Variants in NLGN4X observed in about 807,000 individuals in gnomAD.
NLGN4X encodes the protein neuroligin-4, X-linked.
A neutral mutation model predicts 40.3 loss-of-function variants in NLGN4X; 3 were observed. The ratio of observed to expected loss-of-function variants is 0.07; its 90% CI spans 0.03 to 0.19. NLGN4X has a LOEUF of 0.19. Among genes scored for constraint, NLGN4X ranks in the 10% least tolerant of loss-of-function variants. The pLI is 1.00. For missense variants in NLGN4X, 382 were observed against 708.3 expected, an observed-to-expected ratio of 0.54 and a Z score of 5.23; for synonymous variants, 270 against 306.8, an observed-to-expected ratio of 0.88 and a Z score of 1.25.
rs148629757 is a variant in NLGN4X at position 6,129,956 on chromosome X, G to A, written c.472+21039C>T. On this transcript the variant is annotated intron_variant, in intron 2 of 5. Coordinates refer to ENST00000381095, the MANE Select transcript of NLGN4X (RefSeq NM_181332.3). ...GCTGGAGTGCAGTGATGTGATTACA[G>A]CTCACTGAAGCCTGGCCCTCCTGGG... 9.4e-3 allele frequency among the ~76,000 whole-genome samples: 1,004 copies of A among 107,046 alleles called. 6 individuals carry two copies. Among genetic ancestry groups the A allele is most frequent in the Non-Finnish European group, 0.015 (803 of 51,972 alleles). 93.0% of individuals were successfully genotyped at this position (107,046 alleles called of 115,157 possible).
At chrX:6,201,271 G>C (rs1441571182) in intron 1 of NLGN4X, among the ~76,000 whole-genome samples, 1 of 112,046 alleles carries the variant, frequency 8.9e-6, no homozygotes, top group East Asian at 2.8e-4. Flanking sequence ...GGTTGAAAGA[G>C]AGCCTGAGAA....
chrX:6,093,807 T>C (rs1033495627), intron 2 of NLGN4X, among the ~76,000 whole-genome samples: 2 of 111,731 alleles, frequency 1.8e-5, no homozygotes, highest in African/African-American at 6.5e-5. Context: ...TTTTAAGAGA[T>C]AGCAAGAATA....
chrX:6,219,717 G>A (rs1401277811), intron 1 of NLGN4X, among the ~76,000 whole-genome samples: 1 of 109,035 alleles, frequency 9.2e-6, no homozygotes, highest in Non-Finnish European at 1.9e-5. Context: ...TGAGTGACAA[G>A]GTCTCAGGGA....
At chrX:6,088,277 G>A (rs913082974) in intron 2 of NLGN4X, among the ~76,000 whole-genome samples, 1 of 112,342 alleles carries the variant, frequency 8.9e-6, no homozygotes, top group Admixed American at 9.4e-5. Context: ...GCTCTTCATT[G>A]TCTTTCTTAA....
chrX:6,026,963 AG>A (rs1197012794), intron 3 of NLGN4X, among the ~76,000 whole-genome samples: 1 of 111,582 alleles, frequency 9.0e-6, no homozygotes, highest in African/African-American at 3.3e-5. Flanking sequence ...ACTGAGCTTT[AG>A]GGGGAAAAGG....
intron 2 of NLGN4X, among the ~76,000 whole-genome samples, chrX:6,063,295 C>T (rs902124753): frequency 9.0e-6 from 1 of 111,535 alleles, no homozygotes; most frequent in African/African-American, 3.3e-5. Flanking sequence ...GGCAACATAG[C>T]AAGACCCAAT....
At chrX:6,214,718 G>C (rs80276798) in intron 1 of NLGN4X, among the ~76,000 whole-genome samples, 1 of 111,208 alleles carries the variant, frequency 9.0e-6, no homozygotes, top group East Asian at 2.9e-4. Flanking sequence ...AACATAGTGA[G>C]ACCCCGTCTC....
chrX:5,933,629 A>C (rs114614798), intron 3 of NLGN4X, among the ~76,000 whole-genome samples: 5,118 of 111,743 alleles, frequency 0.046, 302 homozygotes, highest in African/African-American at 0.16. Flanking sequence ...GTTTTAAATA[A>C]CTATGTATTT....
At chrX:6,219,469 C>T (rs1275890833) in intron 1 of NLGN4X, among the ~76,000 whole-genome samples, 3 of 103,181 alleles carry the variant, frequency 2.9e-5, no homozygotes, top group African/African-American at 1.1e-4. Context: ...TTCCCTCCTT[C>T]CCTCCTTCTC....
intron 2 of NLGN4X, among the ~76,000 whole-genome samples, chrX:6,056,744 C>T (rs1427847587): frequency 1.8e-5 from 2 of 112,040 alleles, no homozygotes; most frequent in African/African-American, 6.5e-5. Flanking sequence ...AAAAATACAG[C>T]AAATTGGGAC....
chrX:6,159,297 A>G (rs181234243), intron 1 of NLGN4X, among the ~76,000 whole-genome samples: 1 of 111,787 alleles, frequency 8.9e-6, no homozygotes, highest in African/African-American at 3.2e-5. Context: ...AAACAGTGGG[A>G]ATGTTCTCTT....
chrX:6,201,260 A>G (rs777403106), intron 1 of NLGN4X, among the ~76,000 whole-genome samples: 14 of 112,070 alleles, frequency 1.2e-4, no homozygotes, highest in Non-Finnish European at 2.4e-4. Flanking sequence ...ACAGTATTCC[A>G]GGTTGAAAGA....
At chrX:6,157,059 G>A (rs1029588236) in intron 1 of NLGN4X, among the ~76,000 whole-genome samples, 1 of 110,113 alleles carries the variant, frequency 9.1e-6, no homozygotes, top group African/African-American at 3.3e-5. Flanking sequence ...GCTGAGCCAG[G>A]AGCATCACTT....
chrX:6,122,038 G>C (rs771820599), intron 2 of NLGN4X, among the ~76,000 whole-genome samples: 1 of 112,074 alleles, frequency 8.9e-6, no homozygotes, highest in African/African-American at 3.2e-5. Context: ...CCTTCCCTAA[G>C]TGTTGAGTAT....
chrX:6,188,453 A>G (rs896007165), intron 1 of NLGN4X, among the ~76,000 whole-genome samples: 10 of 110,622 alleles, frequency 9.0e-5, no homozygotes, highest in Non-Finnish European at 1.7e-4. Context: ...ATCACAATTT[A>G]CCCCATTGTC....
chrX:6,207,959 C>A (rs1427588088), intron 1 of NLGN4X, among the ~76,000 whole-genome samples: 8 of 112,109 alleles, frequency 7.1e-5, no homozygotes, highest in Non-Finnish European at 1.5e-4. Context: ...ACATCTGCCA[C>A]ATAAATTCAT....
At chrX:6,098,186 T>C (rs1394151514) in intron 2 of NLGN4X, among the ~76,000 whole-genome samples, 1 of 111,514 alleles carries the variant, frequency 9.0e-6, no homozygotes, top group Non-Finnish European at 1.9e-5. Flanking sequence ...TTCTAGCTAC[T>C]TGGGAGGCTG....
At chrX:5,989,076 A>T (rs763873347) in intron 3 of NLGN4X, among the ~76,000 whole-genome samples, 88 of 88,013 alleles carry the variant, frequency 1.0e-3, no homozygotes, top group African/African-American at 3.7e-3. Context: ...TCAAAAAAAT[A>T]AAAAAAATAA....
At chrX:5,926,624 G>A (rs2033328322) in intron 3 of NLGN4X, among the ~76,000 whole-genome samples, 1 of 110,537 alleles carries the variant, frequency 9.0e-6, no homozygotes, top group Non-Finnish European at 1.9e-5. Context: ...TTTAAATCCA[G>A]TACAAATATT....
Sources: gnomAD v4.1 joint callset for allele counts (sites outside exome capture counted in the v4.1 genomes callset) on GRCh38, gnomAD v4.1.1 for gene constraint, MANE v1.5 for transcripts, NCBI Gene and HGNC (gene_info 2026-07-23, HGNC 2026-07-21) for gene names.